Variants in SCNM1 observed in about 807,000 individuals in gnomAD.
SCNM1 encodes sodium channel modifier 1.
In SCNM1, 24 loss-of-function variants were observed where a neutral mutation model predicts 32.8. The ratio of observed to expected loss-of-function variants is 0.73; its 90% CI spans 0.53 to 1.03. The LOEUF (loss-of-function observed/expected upper bound fraction) is 1.03. Ranked by LOEUF, SCNM1 falls within the 50% of genes least tolerant of loss-of-function variation. The probability of loss-of-function intolerance (pLI) is 0.00; values close to 1 mark genes in which losing one functional copy is unlikely to be tolerated. For synonymous variants in SCNM1, 99 were observed against 103.2 expected, an observed-to-expected ratio of 0.96 and a Z score of 0.25; for missense variants, 274 against 282.3, an observed-to-expected ratio of 0.97 and a Z score of 0.21.
At position 151,166,502 on chromosome 1, in the gene SCNM1, A is replaced by G. The variant is rs587750734; in HGVS notation, c.83A>G (p.Tyr28Cys). 28 of 1,614,032 alleles carry G rather than the reference A, an allele frequency of 1.7e-5. No individual in the cohort carries two copies. The highest frequency in any genetic ancestry group is 2.2e-5 in the Non-Finnish European group (26 of 1,180,004). ...KRRVGDLLAS[Y>C]IPEDEALMLR... ...AGAGTCGGGGACCTCCTAGCCAGTTACATTCCAGAGGATGAGGCGCTGATG... is the reference window on the plus strand; with the variant it reads ...AGAGTCGGGGACCTCCTAGCCAGTTGCATTCCAGAGGATGAGGCGCTGATG... The change falls in exon 2 of 7, where the codon TAC becomes TGC. Residue 28 changes from tyrosine (Y) to cysteine (C), a missense_variant. Tyr to Cys is a radical substitution (Grantham distance 194, BLOSUM62 -2). Transcript: ENST00000368905.
chr1:151,166,646 C>T (rs1683717096), intron 2 of SCNM1, 105 bp downstream of exon 2: 1 of 1,508,662 alleles, frequency 6.6e-7, no homozygotes, highest in Non-Finnish European at 8.9e-7. Flanking sequence ...GCTGCCCAGG[C>T]TGCCCTCGAA....
intron 2 of SCNM1, 119 bp downstream of exon 2, chr1:151,166,660 T>C: frequency 1.4e-6 from 2 of 1,466,850 alleles, no homozygotes; most frequent in Non-Finnish European, 1.8e-6. Flanking sequence ...CCTCGAACTC[T>C]AGGGCTCAAG....
intron 6 of SCNM1, among the ~76,000 whole-genome samples, 163 bp from the exon 7 acceptor site, chr1:151,168,823 A>G (rs1683841008): frequency 1.0e-5 from 1 of 95,856 alleles, no homozygotes; most frequent in African/African-American, 4.0e-5. Flanking sequence ...TTTTTGGTAG[A>G]GACAGGGTTT....
At position 151,167,382 on chromosome 1, in the gene SCNM1, C is replaced by A. The variant is rs1236483630; in HGVS notation, c.366C>A (p.Pro122=). 1.9e-6 allele frequency: 3 copies of A among 1,614,140 alleles called. No individual in the cohort carries two copies. Among genetic ancestry groups the A allele is most frequent in the South Asian group, 2.2e-5 (2 of 91,072 alleles). ...LITQSALHRA[P]HYNSCCRRKY... ...CCCAGAGTGCTCTGCACAGAGCTCC[C>A]CACTATAACAGTTGCTGCCGCCGGA... The change falls in exon 5 of 7, where the codon CCC becomes CCA. Residue 122 remains proline, a synonymous_variant. Coordinates refer to ENST00000368905, the MANE Select transcript of SCNM1 (RefSeq NM_024041.4).
chr1:151,169,230 C>T lies in SCNM1; in HGVS notation c.*145C>T. The T allele has an allele frequency of 1.5e-6, 1 of 645,884 alleles. No individual in the cohort carries two copies. The highest frequency in any genetic ancestry group is 2.5e-6 in the Non-Finnish European group (1 of 406,376). The allele number at this position is 645,884 out of a possible 1,614,324, so 40.0% of individuals were successfully genotyped here. A position where few individuals can be genotyped will look rare whatever the true frequency, so the allele number is the denominator to read the frequency against. On this transcript the variant is annotated 3_prime_UTR_variant, in exon 7 of 7. Coordinates refer to ENST00000368905, the MANE Select transcript of SCNM1 (RefSeq NM_024041.4). ...CTCCTTGCCTGCAAGGTACACAGCT[C>T]TCCACACTCCTTTTTTTTTTTTTTT...
In SCNM1 at chr1:151,169,936, G is replaced by T; in HGVS notation, c.*851G>T. The T allele has an allele frequency of 1.1e-6, 1 of 880,988 alleles. No homozygotes were observed. The highest frequency in any genetic ancestry group is 1.8e-6 in the Non-Finnish European group (1 of 542,268). 54.6% of individuals were successfully genotyped at this position (880,988 alleles called of 1,614,324 possible). ...TGGTGAACTGGCAGTAACCCTTGGG[G>T]GTTAGCGCCAAGATTCTCACCCCAA... On this transcript the variant is annotated 3_prime_UTR_variant, in exon 7 of 7. Coordinates refer to ENST00000368905, the MANE Select transcript of SCNM1 (RefSeq NM_024041.4).
intron 6 of SCNM1, 128 bp from the exon 7 acceptor site, chr1:151,168,858 G>A: frequency 1.2e-5 from 6 of 506,168 alleles, no homozygotes; most frequent in South Asian, 4.5e-5. Flanking sequence ...GGCTGGTCTC[G>A]AACTCCTGAC....
Position 151,170,047 on chromosome 1 carries a change from C to T in SCNM1, c.*962C>T, listed in dbSNP as rs1380306538. ...CAGATGAGGATTTAAGTGTCCAGTG[C>T]TCCCAGCGCTAGTTGGTAAAGGGAA... is the stretch of plus-strand genomic sequence containing the variant. On this transcript the variant is annotated 3_prime_UTR_variant, in exon 7 of 7. Transcript: ENST00000368905. 5 of 1,613,338 alleles carry T rather than the reference C, an allele frequency of 3.1e-6. No individual in the cohort carries two copies. Among genetic ancestry groups the T allele is most frequent in the East Asian group, 2.2e-5 (1 of 44,892 alleles).
intron 3 of SCNM1, 49 bp downstream of exon 3, chr1:151,167,071 C>T: frequency 2.5e-6 from 4 of 1,614,164 alleles, no homozygotes; most frequent in Non-Finnish European, 3.4e-6. Context: ...GAAATCTCTG[C>T]ACACCACTCT....
Position 151,168,196 on chromosome 1 carries a change from G to C in SCNM1, c.451G>C (p.Val151Leu), listed in dbSNP as rs1683797523. Reference protein sequence around the residue: ...VSLSPMPPSEVKLQSGKISRE... With the variant: ...VSLSPMPPSELKLQSGKISRE... ...CCTTTCCCCTATGCCACCCTCAGAG[G>C]TCAAACTCCAAAGTGGGAAGATCAG... The change falls in exon 6 of 7, where the codon GTC becomes CTC. Residue 151 changes from valine (V) to leucine (L), a missense_variant. Coordinates refer to ENST00000368905, the MANE Select transcript of SCNM1 (RefSeq NM_024041.4). 1 of 1,613,980 alleles carries C rather than the reference G, an allele frequency of 6.2e-7. No homozygotes were observed. Among genetic ancestry groups the C allele is most frequent in the South Asian group, 1.1e-5 (1 of 91,088 alleles).
At position 151,168,286 on chromosome 1, in the gene SCNM1, C is replaced by T. The variant is rs1283231012; in HGVS notation, c.541C>T (p.Pro181Ser). The T allele has an allele frequency of 6.2e-7, 1 of 1,614,092 alleles. No individual in the cohort carries two copies. The highest frequency in any genetic ancestry group is 8.5e-7 in the Non-Finnish European group (1 of 1,179,996). Residue 181 changes from proline to serine, a missense_variant, in exon 6 of 7, where the codon CCC becomes TCC. Pro to Ser is a moderately conservative substitution (Grantham distance 74). Transcript: ENST00000368905. ...GTCAGCAACTGTCTCAGCCCCTGCA[C>T]CCATGAGCCCCACAAGAAGACGAGC... ...EESATVSAPA[P>S]MSPTRRRALD... is the part of the protein sequence containing the mutation.
Position 151,166,963 on chromosome 1 carries a change from C to A in SCNM1, c.152C>A (p.Pro51Gln). The A allele has an allele frequency of 6.2e-7, 1 of 1,614,112 alleles. No homozygotes were observed. Reference sequence around the variant, plus strand: ...GCTTGTGCCATCTGCCCCCATCGACCGGTACTGGACACCCTGGCCATGCTG... The same window carrying A: ...GCTTGTGCCATCTGCCCCCATCGACAGGTACTGGACACCCTGGCCATGCTG... The part of the protein sequence containing the change: ...RFACAICPHR[P>Q]VLDTLAMLTA... Residue 51 changes from proline to glutamine, a missense_variant, in exon 3 of 7, where the codon CCG (proline) becomes CAG (glutamine). Pro to Gln is a moderately conservative substitution (Grantham distance 76, BLOSUM62 -1). Coordinates refer to ENST00000368905, the MANE Select transcript of SCNM1 (RefSeq NM_024041.4).
rs924533033 is a variant in SCNM1, at chr1:151,169,364, C to T, written c.*279C>T. On this transcript the variant is annotated 3_prime_UTR_variant, in exon 7 of 7. Transcript: ENST00000368905. ...GGTTCACGCCTTTCTCCTGCCTCAG[C>T]CTCCTGAGTAGCTGGGACTACAGGC... The T allele has an allele frequency of 3.6e-5, 10 of 276,574 alleles. No individual in the cohort carries two copies. The highest frequency in any genetic ancestry group is 6.2e-5 in the Non-Finnish European group (9 of 144,906). 17.1% of individuals were successfully genotyped at this position (276,574 alleles called of 1,614,324 possible).
chr1:151,166,481 T>G lies in SCNM1; in HGVS notation c.62T>G (p.Val21Gly). ...SQLNVLKKRR[V>G]GDLLASYIPE... The stretch of plus-strand genomic sequence containing the variant: ...CCCTACTCCCTGCAGAAAAGAAGAG[T>G]CGGGGACCTCCTAGCCAGTTACATT... The change falls in exon 2 of 7, where the codon GTC becomes GGC. Residue 21 changes from valine to glycine, a missense_variant. Transcript: ENST00000368905. 1 of 1,613,698 alleles carries G rather than the reference T, an allele frequency of 6.2e-7. No individual in the cohort carries two copies. Among genetic ancestry groups the G allele is most frequent in the Non-Finnish European group, 8.5e-7 (1 of 1,179,898 alleles).
Position 151,167,185 on chromosome 1 carries a change from G to C in SCNM1, c.276G>C (p.Gln92His). Residue 92 changes from glutamine (Q) to histidine (H), a missense_variant, in exon 4 of 7, where the codon CAG (glutamine) becomes CAC (histidine). Coordinates refer to ENST00000368905, the MANE Select transcript of SCNM1 (RefSeq NM_024041.4). The part of the protein sequence containing the change: ...GKERKQNPKH[Q>H]NELRREETKA... ...AAAGAAAGCAGAATCCAAAACATCA[G>C]AATGAATTGAGAAGGGAAGAAACCA... is the stretch of plus-strand genomic sequence containing the variant. 1 of 1,614,222 alleles carries C rather than the reference G, an allele frequency of 6.2e-7. No homozygotes were observed. Among genetic ancestry groups the C allele is most frequent in the Non-Finnish European group, 8.5e-7 (1 of 1,180,040 alleles).
At position 151,168,152 on chromosome 1, in the gene SCNM1, C is replaced by T. The variant is rs1683795335; in HGVS notation, c.407C>T (p.Ala136Val). 2 of 1,612,100 alleles carry T rather than the reference C, an allele frequency of 1.2e-6. No homozygotes were observed. Among genetic ancestry groups the T allele is most frequent in the East Asian group, 2.2e-5 (1 of 44,862 alleles). ...TATTCTTCTCTACCTAGACCAGAAG[C>T]CCCTGGTCCCTCTGTCTCCCTTTCC... ...SCCRRKYRPE[A>V]PGPSVSLSPM... Residue 136 changes from alanine (A) to valine (V), a missense_variant, in exon 6 of 7, where the codon GCC (alanine) becomes GTC (valine). Transcript: ENST00000368905.
At chr1:151,167,831 C>CAA in intron 5 of SCNM1, 7 of 234,988 alleles carry the variant, frequency 3.0e-5, no homozygotes, top group East Asian at 1.8e-4. Context: ...GACTCCATCT[C>CAA]AAAAAAAAAA....
intron 1 of SCNM1, 111 bp from the exon 2 acceptor site, chr1:151,166,360 G>A: frequency 6.5e-7 from 1 of 1,549,422 alleles, no homozygotes; most frequent in African/African-American, 1.4e-5. Context: ...TATGATCGCT[G>A]TTCTCCCCAG....
chr1:151,169,192 C>A lies in SCNM1; in HGVS notation c.*107C>A. The A allele has an allele frequency of 1.7e-6, 2 of 1,173,110 alleles. No homozygotes were observed. Among genetic ancestry groups the A allele is most frequent in the Non-Finnish European group, 1.2e-6 (1 of 818,840 alleles). 72.7% of individuals were successfully genotyped at this position (1,173,110 alleles called of 1,614,324 possible). ...TCTCAGGATTTCAGATCTGTTCATT[C>A]TCATTCCAACTACTCCTTGCCTGCA... On this transcript the variant is annotated 3_prime_UTR_variant, in exon 7 of 7. Coordinates refer to ENST00000368905, the MANE Select transcript of SCNM1 (RefSeq NM_024041.4).
Sources: allele counts gnomAD v4.1 joint callset (sites outside exome capture counted in the v4.1 genomes callset), GRCh38; gene constraint gnomAD v4.1.1; transcripts MANE v1.5; gene names NCBI Gene and HGNC (gene_info 2026-07-23, HGNC 2026-07-21).